The following DYDC2 variants were observed in gnomAD, a reference collection of about 807,000 sequenced individuals.
DYDC2 encodes the protein DPY30 domain-containing protein 2.
In DYDC2, 19 loss-of-function variants were observed where a neutral mutation model predicts 18.7. The ratio of observed to expected loss-of-function variants is 1.02; its 90% confidence interval spans 0.71 to 1.49. DYDC2 has a LOEUF of 1.49. Ranked by LOEUF, DYDC2 falls within the 40% of genes most tolerant of loss-of-function variation. The probability of loss-of-function intolerance (pLI) is 0.00; values close to 1 mark genes in which losing one functional copy is unlikely to be tolerated. For missense variants in DYDC2, 179 were observed against 205.1 expected, an observed-to-expected ratio of 0.87 and a Z score of 0.78; for synonymous variants, 63 against 67.6, an observed-to-expected ratio of 0.93 and a Z score of 0.34.
intron 1 of DYDC2, among the ~76,000 whole-genome samples, chr10:80,346,461 T>TTTTTTTTTTTTTTTTTTTTTTTC (rs1359298251): frequency 7.3e-6 from 1 of 136,934 alleles, no homozygotes; most frequent in African/African-American, 2.9e-5. Flanking sequence ...TTTTTTTTTT[T>TTTTTTTTTTTTTTTTTTTTTTTC]TTTTTTTTTT....
chr10:80,345,177 C>A (rs1842538557), intron 1 of DYDC2, among the ~76,000 whole-genome samples: 1 of 152,198 alleles, frequency 6.6e-6, no homozygotes, highest in African/African-American at 2.4e-5. Context: ...CCTTCATTCA[C>A]TCTTGTAAAC....
chr10:80,352,788 G>T (rs61859197), upstream of DYDC2: 76,953 of 697,284 alleles, frequency 0.11, 5,136 homozygotes, highest in South Asian at 0.27. Context: ...TTCCAAAAGG[G>T]CTCCAAGGAA....
At position 80,356,799 on chromosome 10, in the gene DYDC2, C is replaced by T; in HGVS notation, c.-189C>T. ...GCGCCTCAGGAGCCAGTGTAGGCGC[C>T]GCAAAGCGGAAGGGGCGCGCGGATA... is the stretch of plus-strand genomic sequence containing the variant. On this transcript the variant is annotated 5_prime_UTR_variant, in exon 1 of 5. Coordinates refer to ENST00000256039, the MANE Select transcript of DYDC2 (RefSeq NM_032372.6). 1.0e-6 allele frequency: 1 copy of T among 985,678 alleles called. No homozygotes were observed. The highest frequency in any genetic ancestry group is 1.7e-5 in the African/African-American group (1 of 57,350). 61.1% of individuals were successfully genotyped at this position (985,678 alleles called of 1,614,324 possible). A position where few individuals can be genotyped will look rare whatever the true frequency, so the allele number is the denominator to read the frequency against.
At chr10:80,356,590 G>A, upstream of DYDC2, 1 of 985,474 alleles carries the variant, frequency 1.0e-6, no homozygotes, top group Non-Finnish European at 1.2e-6. Context: ...GCCTCTCTCC[G>A]CCTCAGGTGA....
chr10:80,359,608 G>A (rs2080249000), intron 2 of DYDC2, among the ~76,000 whole-genome samples: 1 of 152,184 alleles, frequency 6.6e-6, no homozygotes, highest in African/African-American at 2.4e-5. Flanking sequence ...GGAGGCTCGG[G>A]CATGGCGGGC....
chr10:80,363,952 GT>G (rs34018172), intron 4 of DYDC2, among the ~76,000 whole-genome samples: 1 of 152,100 alleles, frequency 6.6e-6, no homozygotes, highest in African/African-American at 2.4e-5. Flanking sequence ...ACCTCCCACA[GT>G]TTTTTTCACA....
At chr10:80,356,365 G>A (rs889319258), upstream of DYDC2, 4 of 985,752 alleles carry the variant, frequency 4.1e-6, no homozygotes, top group Non-Finnish European at 4.8e-6. Flanking sequence ...ACACCTGGGA[G>A]ACAGCTAGCC....
Position 80,367,777 on chromosome 10 carries a change from C to T in DYDC2, c.*826C>T, listed in dbSNP as rs1026849974. 6.6e-6 allele frequency: 1 copy of T among 152,122 alleles called. No homozygotes were observed. Among genetic ancestry groups the T allele is most frequent in the African/African-American group, 2.4e-5 (1 of 41,412 alleles). 9.4% of individuals were successfully genotyped at this position (152,122 alleles called of 1,614,324 possible). On this transcript the variant is annotated 3_prime_UTR_variant, in exon 5 of 5. Transcript: ENST00000256039. Reference sequence around the variant, plus strand: ...GATATTTTTCTTCAACATATATTATCAATGTTTTAATACTTTTCTTCAATT... The same window carrying T: ...GATATTTTTCTTCAACATATATTATTAATGTTTTAATACTTTTCTTCAATT...
upstream of DYDC2, chr10:80,356,275 A>G: frequency 4.1e-6 from 4 of 985,604 alleles, no homozygotes; most frequent in Non-Finnish European, 4.8e-6. Flanking sequence ...TTGGCTCAAC[A>G]TAAGAAAGCC....
rs1057183155 is a variant in DYDC2, at chr10:80,357,918, G to A, written c.-137G>A. 140 of 985,052 alleles carry A rather than the reference G, an allele frequency of 1.4e-4. No homozygotes were observed. Among genetic ancestry groups the A allele is most frequent in the Admixed American group, 4.3e-4 (7 of 16,272 alleles). The allele number at this position is 985,052 out of a possible 1,614,324, so 61.0% of individuals were successfully genotyped here. A position where few individuals can be genotyped will look rare whatever the true frequency, so the allele number is the denominator to read the frequency against. On this transcript the variant is annotated 5_prime_UTR_variant, in exon 2 of 5. Transcript: ENST00000256039. ...AGCTCCCAGTGTGCCAAGCGTGGGC[G>A]GTATACAGTAAACAAAGACAACCCC...
chr10:80,357,714 A>C (rs1021407530), intron 1 of DYDC2, among the ~76,000 whole-genome samples, 179 bp from the exon 2 acceptor site: 6 of 152,060 alleles, frequency 3.9e-5, no homozygotes, highest in Admixed American at 2.0e-4. Flanking sequence ...TCGTCTGTGC[A>C]TGTGCTAGCC....
At chr10:80,359,058 G>A (rs566028815) in intron 2 of DYDC2, among the ~76,000 whole-genome samples, 14 of 152,306 alleles carry the variant, frequency 9.2e-5, no homozygotes, top group South Asian at 4.2e-4. Flanking sequence ...CCCAGAGCAG[G>A]TTGCAGCTGC....
chr10:80,348,477 C>G (rs763938256), intron 1 of DYDC2, among the ~76,000 whole-genome samples: 12 of 152,190 alleles, frequency 7.9e-5, no homozygotes, highest in African/African-American at 9.7e-5. Context: ...TCACAAGTAA[C>G]GTAAAGCTGC....
chr10:80,358,074 G>A (rs1281928363), intron 2 of DYDC2, 29 bp downstream of exon 2: 3 of 985,396 alleles, frequency 3.0e-6, no homozygotes, highest in Non-Finnish European at 2.4e-6. Context: ...GGTCTGAGTG[G>A]GCTTTAAAAG....
chr10:80,345,720 T>C (rs191245798), intron 1 of DYDC2, among the ~76,000 whole-genome samples: 7 of 152,192 alleles, frequency 4.6e-5, no homozygotes. Context: ...TCACTTAACA[T>C]CATGTCCTTC....
chr10:80,363,306 C>T (rs1343505472), intron 4 of DYDC2, among the ~76,000 whole-genome samples: 1 of 148,562 alleles, frequency 6.7e-6, no homozygotes, highest in Non-Finnish European at 1.5e-5. Flanking sequence ...TTAGGAAATA[C>T]TCTGGTGTTA....
At chr10:80,357,007 G>A (rs1197735661) in intron 1 of DYDC2, among the ~76,000 whole-genome samples, 182 bp downstream of exon 1, 2 of 146,208 alleles carry the variant, frequency 1.4e-5, no homozygotes, top group African/African-American at 5.1e-5. Context: ...GCGGCAGAGA[G>A]GAGGGGGCGT....
upstream of DYDC2, chr10:80,352,736 G>A (rs1036892659): frequency 8.4e-7 from 1 of 1,193,838 alleles, no homozygotes; most frequent in Non-Finnish European, 1.1e-6. Context: ...CCTCCCATTG[G>A]GGGTGTCACA....
intron 1 of DYDC2, among the ~76,000 whole-genome samples, chr10:80,346,523 C>CGATCTCA (rs957112536): frequency 1.3e-4 from 18 of 138,720 alleles, no homozygotes; most frequent in African/African-American, 4.9e-4. Context: ...TGCAGTGGCG[C>CGATCTCA]GATCTCAGCT....
Sources: gnomAD v4.1 joint callset for allele counts (sites outside exome capture counted in the v4.1 genomes callset) on GRCh38, gnomAD v4.1.1 for gene constraint, MANE v1.5 for transcripts, NCBI Gene and HGNC (gene_info 2026-07-23, HGNC 2026-07-21) for gene names.